PRIM2: variants seen among roughly 807,000 people sequenced by gnomAD.
The protein encoded by PRIM2 is DNA primase large subunit.
A neutral mutation model predicts 67.3 loss-of-function variants in PRIM2; 39 were observed. The ratio of observed to expected loss-of-function variants is 0.58; its 90% CI spans 0.45 to 0.76. PRIM2 has a LOEUF of 0.76. Among genes scored for constraint, PRIM2 ranks in the 30% least tolerant of loss-of-function variants. The pLI is 0.00. For missense variants in PRIM2, 398 were observed against 598.7 expected (o/e 0.66, Z 3.50); for synonymous variants, 143 against 198.7 (o/e 0.72, Z 2.36).
At chr6:57,389,316 T>C (rs1433857339) in intron 7 of PRIM2, among the ~76,000 whole-genome samples, 2 of 152,120 alleles carry the variant, frequency 1.3e-5, no homozygotes, top group Non-Finnish European at 2.9e-5. Flanking sequence ...GATATCCCTA[T>C]GTTGCCTGGG....
chr6:57,342,502 C>G (rs1002838501), intron 5 of PRIM2, among the ~76,000 whole-genome samples: 3 of 152,166 alleles, frequency 2.0e-5, no homozygotes, highest in Non-Finnish European at 2.9e-5. Context: ...TTTCTGTGCT[C>G]TCGCAGTCTA....
intron 5 of PRIM2, among the ~76,000 whole-genome samples, chr6:57,373,503 G>T (rs562789641): frequency 1.3e-5 from 2 of 152,040 alleles, no homozygotes; most frequent in East Asian, 3.9e-4. Flanking sequence ...ATTGTTTTTG[G>T]TGTTTTCATC....
chr6:57,509,853 A>T (rs1246319220), intron 8 of PRIM2, among the ~76,000 whole-genome samples: 1 of 149,020 alleles, frequency 6.7e-6, no homozygotes, highest in African/African-American at 2.4e-5. Context: ...TAATTTTAAA[A>T]CATTTTAAAT....
intron 7 of PRIM2, among the ~76,000 whole-genome samples, chr6:57,406,949 T>C (rs574475736): frequency 2.7e-5 from 4 of 150,668 alleles, no homozygotes; most frequent in African/African-American, 7.3e-5. Flanking sequence ...AACAGTGTCA[T>C]TGAGTTTACT....
chr6:57,249,933 A>G, the PRIM2 span, among the ~76,000 whole-genome samples: 2 of 152,188 alleles, frequency 1.3e-5, no homozygotes. Flanking sequence ...CCATGGCATT[A>G]CTACACCCTG....
chr6:57,465,798 A>G (rs1175131284), intron 7 of PRIM2, among the ~76,000 whole-genome samples: 1 of 150,394 alleles, frequency 6.6e-6, no homozygotes, highest in African/African-American at 2.4e-5. Flanking sequence ...GCTTTCTATC[A>G]TTTTTTTTTC....
rs60492288 is a variant in PRIM2 at position 57,374,273 on chromosome 6, CTATTTATT to C, written c.460-5602_460-5595del. On this transcript the variant is annotated intron_variant, in intron 5 of 13. Coordinates refer to ENST00000615550, the MANE Select transcript of PRIM2 (RefSeq NM_000947.5). ...TGGCTATTGTTGGTGTATAGGAATG[CTATTTATT>C]TATTTATTTATTTATTTATTTATTT... 5.5e-3 allele frequency among the ~76,000 whole-genome samples: 724 copies of C among 132,134 alleles called. 6 individuals carry two copies. The highest frequency in any genetic ancestry group is 0.02 in the African/African-American group (685 of 34,686). 86.7% of individuals were successfully genotyped at this position (132,134 alleles called of 152,430 possible). A position where few individuals can be genotyped will look rare whatever the true frequency, so the allele number is the denominator to read the frequency against.
intron 5 of PRIM2, among the ~76,000 whole-genome samples, chr6:57,345,474 A>ATGTGTGTGTG (rs754685184): frequency 1.2e-4 from 15 of 124,582 alleles, no homozygotes; most frequent in South Asian, 5.6e-4. Flanking sequence ...ATATATATAT[A>ATGTGTGTGTG]TGTGTGTGTG....
the PRIM2 span, among the ~76,000 whole-genome samples, chr6:57,279,043 T>C: frequency 6.6e-6 from 1 of 152,218 alleles, no homozygotes; most frequent in African/African-American, 2.4e-5. Context: ...GAAGCACCCA[T>C]TGAAGGCAGT....
chr6:57,326,673 A>T (rs1767871231), intron 5 of PRIM2, among the ~76,000 whole-genome samples: 2 of 152,014 alleles, frequency 1.3e-5, no homozygotes, highest in Non-Finnish European at 1.5e-5. Context: ...ATGAGCTGAG[A>T]TCATGCCGCT....
chr6:57,290,069 A>G, the PRIM2 span, among the ~76,000 whole-genome samples: 1 of 151,988 alleles, frequency 6.6e-6, no homozygotes, highest in African/African-American at 2.4e-5. Flanking sequence ...CTCACATGCA[A>G]ACACACACAT....
At chr6:57,454,941 C>G (rs533660142) in intron 7 of PRIM2, among the ~76,000 whole-genome samples, 1 of 152,162 alleles carries the variant, frequency 6.6e-6, no homozygotes, top group Non-Finnish European at 1.5e-5. Context: ...AAATTTCCCT[C>G]TACACAGTGC....
At chr6:57,589,884 A>T (rs1192510401) in intron 10 of PRIM2, among the ~76,000 whole-genome samples, 2 of 152,152 alleles carry the variant, frequency 1.3e-5, no homozygotes, top group African/African-American at 2.4e-5. Context: ...CAGGGAAAAA[A>T]TTCCAGCCCA....
At chr6:57,365,949 CAAAAAAA>C (rs5876544) in intron 5 of PRIM2, among the ~76,000 whole-genome samples, 84 of 62,626 alleles carry the variant, frequency 1.3e-3, no homozygotes, top group African/African-American at 4.3e-3. Context: ...GACCATATCT[CAAAAAAA>C]AAAAAAAAAA....
At chr6:57,528,094 G>T in intron 8 of PRIM2, among the ~76,000 whole-genome samples, 1 of 151,350 alleles carries the variant, frequency 6.6e-6, no homozygotes, top group East Asian at 1.9e-4. Context: ...CTCCTGAGTA[G>T]CTGAGACTAC....
the PRIM2 span, among the ~76,000 whole-genome samples, chr6:57,226,765 G>A: frequency 7.9e-5 from 12 of 152,146 alleles, no homozygotes; most frequent in African/African-American, 2.9e-4. Flanking sequence ...TGGTTACAGG[G>A]GTGATACAGA....
chr6:57,467,367 A>G (rs1348956933), intron 7 of PRIM2, among the ~76,000 whole-genome samples: 1 of 151,890 alleles, frequency 6.6e-6, no homozygotes, highest in Non-Finnish European at 1.5e-5. Flanking sequence ...TTTCAACACT[A>G]TTTTTTAAAT....
intron 12 of PRIM2, among the ~76,000 whole-genome samples, chr6:57,628,770 AGGATAAT>A (rs1582027999): frequency 1.3e-5 from 2 of 152,150 alleles, no homozygotes; most frequent in East Asian, 3.9e-4. Context: ...TAATTTGCTT[AGGATAAT>A]GGCCTTCAGC....
At chr6:57,338,000 A>G (rs1333126871) in intron 5 of PRIM2, among the ~76,000 whole-genome samples, 1 of 152,072 alleles carries the variant, frequency 6.6e-6, no homozygotes, top group African/African-American at 2.4e-5. Flanking sequence ...AATCAAATAG[A>G]CGCAATAAAA....
Sources: allele counts gnomAD v4.1 joint callset (sites outside exome capture counted in the v4.1 genomes callset), GRCh38; gene constraint gnomAD v4.1.1; transcripts MANE v1.5; gene names NCBI Gene and HGNC (gene_info 2026-07-23, HGNC 2026-07-21).